The following PSIP1 variants were observed in gnomAD, a reference collection of about 807,000 sequenced individuals.
PSIP1 encodes the protein PC4 and SRSF1 interacting protein 1, also known as PC4 and SFRS1-interacting protein.
A neutral mutation model predicts 74.7 loss-of-function variants in PSIP1; 19 were observed. The ratio of observed to expected loss-of-function variants is 0.25; its 90% CI spans 0.18 to 0.37. The LOEUF is 0.37. PSIP1 is among the 10% of genes least tolerant of loss of function. The pLI, the probability that PSIP1 is intolerant of heterozygous loss-of-function variation, is 1.00. For synonymous variants in PSIP1, 222 were observed against 195.3 expected (o/e 1.14, Z -1.14); for missense variants, 601 against 614.3 (o/e 0.98, Z 0.23).
chr9:15,490,047 C>G lies in PSIP1; in HGVS notation c.227G>C (p.Gly76Ala). 1 of 1,605,184 alleles carries G rather than the reference C, an allele frequency of 6.2e-7. No homozygotes were observed. Among genetic ancestry groups the G allele is most frequent in the East Asian group, 2.3e-5 (1 of 44,436 alleles). Residue 76 changes from glycine to alanine, a missense_variant, in exon 4 of 16, where the codon GGT becomes GCT. This residue lies in a region of PSIP1 where 63 missense variants were observed against 106.7 expected (regional missense o/e 0.59). Transcript: ENST00000380733. ...TATCTCCCATAAACCTTCATTAAAA[C>G]CTTTTCTTTTATTTGGTTTGCCATA... ...EKYGKPNKRK[G>A]FNEGLWEIDN...
intron 3 of PSIP1, among the ~76,000 whole-genome samples, chr9:15,501,361 G>T (rs1199473248): frequency 2.0e-5 from 3 of 151,354 alleles, no homozygotes; most frequent in Non-Finnish European, 2.9e-5. Flanking sequence ...TGCTGATCCA[G>T]CTCTTCGAGT....
At chr9:15,477,897 G>A (rs1208738485) in intron 8 of PSIP1, among the ~76,000 whole-genome samples, 2 of 151,842 alleles carry the variant, frequency 1.3e-5, no homozygotes, top group African/African-American at 2.4e-5. Flanking sequence ...CAGCACTATG[G>A]AAGGATGAGG....
chr9:15,495,388 T>A (rs938697519), intron 3 of PSIP1, among the ~76,000 whole-genome samples: 1 of 152,092 alleles, frequency 6.6e-6, no homozygotes, highest in Non-Finnish European at 1.5e-5. Flanking sequence ...TAATAATCAA[T>A]GGGAAAAGTT....
At chr9:15,499,174 T>G (rs1042510273) in intron 3 of PSIP1, among the ~76,000 whole-genome samples, 4 of 152,170 alleles carry the variant, frequency 2.6e-5, no homozygotes, top group African/African-American at 9.7e-5. Flanking sequence ...CAGTGTTCCT[T>G]AAAGAGGTTT....
intron 4 of PSIP1, among the ~76,000 whole-genome samples, chr9:15,488,973 A>G (rs142061076): frequency 0.013 from 2,021 of 152,292 alleles, 46 homozygotes; most frequent in African/African-American, 0.046. Context: ...GTGAGCCAAG[A>G]TAGAGCCAAT....
intron 2 of PSIP1, among the ~76,000 whole-genome samples, chr9:15,507,780 A>T (rs1390063880): frequency 6.6e-6 from 1 of 152,228 alleles, no homozygotes; most frequent in Non-Finnish European, 1.5e-5. Context: ...TATCCTCTGT[A>T]AGCATTATGG....
chr9:15,476,545 T>C (rs538602283), intron 8 of PSIP1, among the ~76,000 whole-genome samples: 18 of 152,300 alleles, frequency 1.2e-4, no homozygotes, highest in Admixed American at 3.3e-4. Flanking sequence ...AATTGGGTGA[T>C]AGCCTGGGTC....
At chr9:15,490,217 C>T (rs1057206352) in intron 3 of PSIP1, 93 bp from the exon 4 acceptor site, 1 of 1,190,702 alleles carries the variant, frequency 8.4e-7, no homozygotes, top group Non-Finnish European at 1.1e-6. Flanking sequence ...ATCAAAAATA[C>T]AGAACCTAAA....
intron 3 of PSIP1, among the ~76,000 whole-genome samples, chr9:15,503,304 T>C (rs1027950242): frequency 5.9e-5 from 9 of 151,586 alleles, no homozygotes; most frequent in South Asian, 2.1e-4. Flanking sequence ...GAGGTGGAGG[T>C]TGCAATGAGC....
At chr9:15,506,336 A>C in intron 3 of PSIP1, 2 of 385,504 alleles carry the variant, frequency 5.2e-6, no homozygotes, top group Non-Finnish European at 9.3e-6. Flanking sequence ...TTGCTCAGAG[A>C]ATTTCTACTT....
Position 15,468,813 on chromosome 9 carries a change from T to C in PSIP1, c.1237A>G (p.Met413Val), listed in dbSNP as rs1192711906. Reference sequence around the variant, plus strand: ...TTATACAACATTGTAGACTTTTCCATGATTACCTGACTAACTTTGAATCGC... The same window carrying C: ...TTATACAACATTGTAGACTTTTCCACGATTACCTGACTAACTTTGAATCGC... ...IRRFKVSQVI[M>V]EKSTMLYNKF... Residue 413 changes from methionine (M) to valine (V), a missense_variant, in exon 14 of 16, where the codon ATG becomes GTG. Transcript: ENST00000380733. 2 of 1,613,908 alleles carry C rather than the reference T, an allele frequency of 1.2e-6. No homozygotes were observed. Among genetic ancestry groups the C allele is most frequent in the Non-Finnish European group, 1.7e-6 (2 of 1,179,854 alleles).
At chr9:15,498,243 C>T (rs1239024199) in intron 3 of PSIP1, among the ~76,000 whole-genome samples, 2 of 152,038 alleles carry the variant, frequency 1.3e-5, no homozygotes, top group Admixed American at 1.3e-4. Context: ...CGGCAAAACC[C>T]CATCTCTACT....
chr9:15,468,329 T>C lies in PSIP1; in HGVS notation c.1420+301A>G, dbSNP rs57258625. On this transcript the variant is annotated intron_variant, in intron 14 of 15. Coordinates refer to ENST00000380733, the MANE Select transcript of PSIP1 (RefSeq NM_033222.5). ...AGCAGCTGAGCAACCAGGAAGTGGG[T>C]ACTCTAGGGATTAGGAGGCATTGTG... The C allele has an allele frequency of 1.4e-3, 847 of 596,178 alleles. 1 individual carries two copies. The highest frequency in any genetic ancestry group is 0.014 in the African/African-American group (757 of 55,026). 36.9% of individuals were successfully genotyped at this position (596,178 alleles called of 1,614,324 possible).
intron 15 of PSIP1, among the ~76,000 whole-genome samples, chr9:15,466,306 G>A (rs982726539): frequency 6.6e-6 from 1 of 152,352 alleles, no homozygotes; most frequent in Admixed American, 6.5e-5. Context: ...TTGAACCCAG[G>A]AAGTGGAGGT....
chr9:15,485,621 A>T (rs191945214), intron 6 of PSIP1, among the ~76,000 whole-genome samples: 21 of 152,194 alleles, frequency 1.4e-4, no homozygotes, highest in East Asian at 9.7e-4. Context: ...AACAACAACA[A>T]CATAATGGAC....
intron 14 of PSIP1, 51 bp from the exon 15 acceptor site, chr9:15,466,910 A>G: frequency 7.3e-7 from 1 of 1,362,034 alleles, no homozygotes; most frequent in Non-Finnish European, 1.0e-6. Context: ...CAAAACAATA[A>G]TTGAAGGTGT....
At chr9:15,479,548 T>C in intron 7 of PSIP1, 43 bp downstream of exon 7, 1 of 1,479,020 alleles carries the variant, frequency 6.8e-7, no homozygotes, top group Non-Finnish European at 9.2e-7. Flanking sequence ...GACTGGAATA[T>C]TAATCACAAG....
At chr9:15,488,993 C>T (rs1279809121) in intron 4 of PSIP1, among the ~76,000 whole-genome samples, 1 of 152,144 alleles carries the variant, frequency 6.6e-6, no homozygotes. Context: ...TGCACCCCAG[C>T]CTGGGCGACA....
rs1255333841 is a variant in PSIP1 at position 15,468,972 on chromosome 9, A to G, written c.1191T>C (p.Ile397=). 1 of 1,613,722 alleles carries G rather than the reference A, an allele frequency of 6.2e-7. No individual in the cohort carries two copies. Among genetic ancestry groups the G allele is most frequent in the Non-Finnish European group, 8.5e-7 (1 of 1,179,890 alleles). Residue 397 remains isoleucine (I), a synonymous_variant, in exon 13 of 16, where the codon ATT becomes ATC. Coordinates refer to ENST00000380733, the MANE Select transcript of PSIP1 (RefSeq NM_033222.5). ...MQQAQKHTEM[I]TTLKKIRRFK... Reference sequence around the variant, plus strand: ...AATCACTTACTTTTTTCAGTGTAGTAATCATCTCTGTGTGTTTCTGAGCTT... The same window carrying G: ...AATCACTTACTTTTTTCAGTGTAGTGATCATCTCTGTGTGTTTCTGAGCTT...
Sources: allele counts gnomAD v4.1 joint callset (sites outside exome capture counted in the v4.1 genomes callset), GRCh38; gene constraint gnomAD v4.1.1; regional missense constraint gnomAD v4.1.1; transcripts MANE v1.5; gene names NCBI Gene and HGNC (gene_info 2026-07-23, HGNC 2026-07-21).